The following CDH18 variants were observed in gnomAD, a reference collection of about 807,000 sequenced individuals.
CDH18 encodes cadherin 18.
In CDH18, 31 loss-of-function variants were observed where a neutral mutation model predicts 67.9. That is an observed-to-expected ratio of 0.46 (90% CI 0.34 to 0.62). The LOEUF (loss-of-function observed/expected upper bound fraction) is 0.62. CDH18 is among the 20% of genes least tolerant of loss of function. The pLI, the probability that CDH18 is intolerant of heterozygous loss-of-function variation, is 0.01. For missense variants in CDH18, 890 were observed against 975.5 expected, an observed-to-expected ratio of 0.91 and a Z score of 1.17; for synonymous variants, 362 against 347.2, an observed-to-expected ratio of 1.04 and a Z score of -0.48.
At chr5:19,893,329 A>T (rs570314184) in intron 2 of CDH18, among the ~76,000 whole-genome samples, 1 of 152,326 alleles carries the variant, frequency 6.6e-6, no homozygotes, top group East Asian at 1.9e-4. Context: ...TATTGATACA[A>T]ATTGTGTTAA....
intron 2 of CDH18, among the ~76,000 whole-genome samples, chr5:19,954,386 T>C (rs1399203185): frequency 6.6e-6 from 1 of 152,022 alleles, no homozygotes; most frequent in Non-Finnish European, 1.5e-5. Flanking sequence ...GGTAAAAAAG[T>C]ATATTCAGGA....
intron 2 of CDH18, among the ~76,000 whole-genome samples, chr5:20,049,018 A>G (rs1280651857): frequency 6.6e-6 from 1 of 151,814 alleles, no homozygotes; most frequent in Admixed American, 6.6e-5. Context: ...CTGACAAAGT[A>G]TGAAGCACTC....
chr5:19,603,392 A>G (rs527905063), intron 6 of CDH18, among the ~76,000 whole-genome samples: 3 of 152,280 alleles, frequency 2.0e-5, no homozygotes, highest in African/African-American at 7.2e-5. Context: ...CAATGGGTAC[A>G]AAGTTTTACT....
At chr5:19,865,045 T>C (rs925016327) in intron 2 of CDH18, among the ~76,000 whole-genome samples, 2 of 152,172 alleles carry the variant, frequency 1.3e-5, no homozygotes, top group African/African-American at 4.8e-5. Context: ...AATGACCAGA[T>C]GCACAGACAC....
chr5:20,038,431 A>G (rs896788163), intron 2 of CDH18, among the ~76,000 whole-genome samples: 1 of 151,738 alleles, frequency 6.6e-6, no homozygotes, highest in Non-Finnish European at 1.5e-5. Flanking sequence ...CCCTGCATCA[A>G]TGCAAAAATC....
chr5:19,789,984 T>G (rs1776194245), intron 3 of CDH18, among the ~76,000 whole-genome samples: 1 of 152,044 alleles, frequency 6.6e-6, no homozygotes, highest in African/African-American at 2.4e-5. Flanking sequence ...ACCATCGTTA[T>G]TATTCATTTG....
chr5:20,009,392 T>C (rs1737205277), intron 2 of CDH18, among the ~76,000 whole-genome samples: 1 of 152,108 alleles, frequency 6.6e-6, no homozygotes, highest in Non-Finnish European at 1.5e-5. Flanking sequence ...ATGTACTATG[T>C]TTGCAGTATT....
At chr5:20,369,532 G>A (rs1173684452) in intron 1 of CDH18, among the ~76,000 whole-genome samples, 10 of 152,242 alleles carry the variant, frequency 6.6e-5, no homozygotes, top group East Asian at 3.9e-4. Flanking sequence ...GAAATGTTAC[G>A]AAGTCATTTT....
intron 5 of CDH18, among the ~76,000 whole-genome samples, chr5:19,687,299 G>C (rs1761237944): frequency 6.6e-6 from 1 of 152,182 alleles, no homozygotes; most frequent in Non-Finnish European, 1.5e-5. Context: ...CATTTTGAAA[G>C]ACCAGCCTCC....
chr5:19,634,192 G>A (rs1241059463), intron 5 of CDH18, among the ~76,000 whole-genome samples: 1 of 152,172 alleles, frequency 6.6e-6, no homozygotes, highest in Non-Finnish European at 1.5e-5. Flanking sequence ...TGTTTTAACT[G>A]TGTGAAAGAA....
At chr5:20,489,058 C>T (rs1048993374) in intron 1 of CDH18, among the ~76,000 whole-genome samples, 10 of 152,054 alleles carry the variant, frequency 6.6e-5, no homozygotes, top group African/African-American at 2.2e-4. Flanking sequence ...ATTTAATCAA[C>T]ATAACCCTCA....
chr5:19,607,774 A>C (rs1231540724), intron 6 of CDH18, among the ~76,000 whole-genome samples: 2 of 151,512 alleles, frequency 1.3e-5, no homozygotes, highest in Non-Finnish European at 3.0e-5. Flanking sequence ...TAAGAACAAT[A>C]AAGTTTGAAA....
intron 1 of CDH18, among the ~76,000 whole-genome samples, chr5:20,358,784 T>G (rs1741837256): frequency 6.6e-6 from 1 of 152,098 alleles, no homozygotes; most frequent in South Asian, 2.1e-4. Context: ...TATTTTTAAG[T>G]AAAGCAAAAC....
chr5:19,511,347 C>T (rs1364624028), intron 10 of CDH18, among the ~76,000 whole-genome samples: 3 of 151,954 alleles, frequency 2.0e-5, no homozygotes. Context: ...ATTGGTACCA[C>T]GGAGAGTGGG....
chr5:20,031,290 G>C (rs923528503), intron 2 of CDH18, among the ~76,000 whole-genome samples: 6 of 152,010 alleles, frequency 3.9e-5, no homozygotes, highest in African/African-American at 1.2e-4. Flanking sequence ...CATATACTGG[G>C]AAGAAAAGAT....
At chr5:20,242,263 T>A (rs1742985062) in intron 2 of CDH18, among the ~76,000 whole-genome samples, 1 of 152,082 alleles carries the variant, frequency 6.6e-6, no homozygotes, top group Non-Finnish European at 1.5e-5. Context: ...ACTTATCACC[T>A]AACGTGATTA....
At chr5:19,485,316 C>T (rs532072464) in intron 11 of CDH18, among the ~76,000 whole-genome samples, 9 of 150,414 alleles carry the variant, frequency 6.0e-5, no homozygotes, top group East Asian at 2.0e-4. Flanking sequence ...AGTGCAGTGG[C>T]GCCACCTCGG....
chr5:20,533,977 A>G (rs1756566605), intron 1 of CDH18, among the ~76,000 whole-genome samples: 2 of 151,864 alleles, frequency 1.3e-5, no homozygotes, highest in African/African-American at 2.4e-5. Context: ...GGTCCTAAGT[A>G]TAGTTAAAAT....
At chr5:19,700,085 A>C (rs554546090) in intron 5 of CDH18, among the ~76,000 whole-genome samples, 12 of 152,312 alleles carry the variant, frequency 7.9e-5, no homozygotes, top group African/African-American at 2.9e-4. Context: ...GTCTTTCGAA[A>C]GAGTAAGATA....
Sources: allele counts gnomAD v4.1 joint callset (sites outside exome capture counted in the v4.1 genomes callset), GRCh38; gene constraint gnomAD v4.1.1; transcripts MANE v1.5; gene names NCBI Gene and HGNC (gene_info 2026-07-23, HGNC 2026-07-21).